DENND1B: variants seen among roughly 807,000 people sequenced by gnomAD.
DENND1B encodes DENN domain containing 1B.
A neutral mutation model predicts 90.1 loss-of-function variants in DENND1B; 59 were observed. The observed-to-expected ratio is 0.65, with a 90% CI of 0.53 to 0.81. The LOEUF (loss-of-function observed/expected upper bound fraction) is 0.81, where lower values mean the gene tolerates loss of function less well. Ranked by LOEUF, DENND1B falls within the 40% of genes least tolerant of loss-of-function variation. DENND1B has a pLI of 0.00. For synonymous variants in DENND1B, 337 were observed against 324.6 expected, an observed-to-expected ratio of 1.04 and a Z score of -0.41; for missense variants, 862 against 912.6, an observed-to-expected ratio of 0.94 and a Z score of 0.71.
chr1:197,654,349 G>T (rs1402346887), intron 6 of DENND1B, among the ~76,000 whole-genome samples: 1 of 151,984 alleles, frequency 6.6e-6, no homozygotes, highest in Admixed American at 6.6e-5. Context: ...GGTGGCTCCC[G>T]CCTGTAATCC....
At chr1:197,764,486 T>C (rs982554322) in intron 2 of DENND1B, among the ~76,000 whole-genome samples, 1 of 152,174 alleles carries the variant, frequency 6.6e-6, no homozygotes, top group Non-Finnish European at 1.5e-5. Flanking sequence ...AACAAGTCTT[T>C]ATGAAATTCA....
rs1233046144 is a variant in DENND1B, at chr1:197,611,949, T to TA, written c.800dup (p.His268ThrfsTer22). The TA allele has an allele frequency of 6.2e-7, 1 of 1,604,122 alleles. No homozygotes were observed. ...TACTCACCTCTATGAGGCTGGAGTGTATTCCAATCAGGTATGGCATTGGGG... is the reference window on the plus strand; with the variant it reads ...TACTCACCTCTATGAGGCTGGAGTGTAATTCCAATCAGGTATGGCATTGGGG... On this transcript the variant is annotated frameshift_variant, in exon 12 of 23. Transcript: ENST00000620048. LOFTEE classifies it high-confidence loss of function.
chr1:197,525,245 T>C (rs1669060918), intron 20 of DENND1B, among the ~76,000 whole-genome samples: 1 of 152,144 alleles, frequency 6.6e-6, no homozygotes, highest in African/African-American at 2.4e-5. Flanking sequence ...AATACATTGT[T>C]TCATTATTTT....
intron 5 of DENND1B, among the ~76,000 whole-genome samples, chr1:197,665,885 A>G (rs541250921): frequency 6.6e-6 from 1 of 152,276 alleles, no homozygotes; most frequent in Non-Finnish European, 1.5e-5. Flanking sequence ...AATAGGAGAA[A>G]CATCAATTAA....
At chr1:197,564,254 C>A (rs1672421164) in intron 15 of DENND1B, among the ~76,000 whole-genome samples, 1 of 151,594 alleles carries the variant, frequency 6.6e-6, no homozygotes, top group South Asian at 2.1e-4. Flanking sequence ...ACAAAGAAAT[C>A]TCTCATGAAG....
At chr1:197,647,691 G>A (rs775369915) in intron 7 of DENND1B, among the ~76,000 whole-genome samples, 2 of 152,176 alleles carry the variant, frequency 1.3e-5, no homozygotes, top group Non-Finnish European at 2.9e-5. Context: ...GCTCACGCCT[G>A]TAATCCCAGC....
At chr1:197,696,274 ACT>A in intron 3 of DENND1B, among the ~76,000 whole-genome samples, 1 of 151,528 alleles carries the variant, frequency 6.6e-6, no homozygotes, top group Non-Finnish European at 1.5e-5. Flanking sequence ...TTACAGTTAT[ACT>A]TTAAACTGTT....
chr1:197,656,988 T>C lies in DENND1B; in HGVS notation c.366+1312A>G, dbSNP rs74559913. Among the ~76,000 whole-genome samples the C allele has an allele frequency of 2.1e-3, 318 of 152,200 alleles. 1 individual carries two copies. The highest frequency in any genetic ancestry group is 3.8e-3 in the Non-Finnish European group (260 of 68,010). ...AGAAGAAAACATATGAAGAAAGCTT[T>C]GAAAGACTGGATTTGGAAAAGATTT... On this transcript the variant is annotated intron_variant, in intron 6 of 22. Transcript: ENST00000620048.
intron 10 of DENND1B, among the ~76,000 whole-genome samples, chr1:197,632,536 G>A (rs1485584377): frequency 6.6e-6 from 1 of 152,050 alleles, no homozygotes; most frequent in Non-Finnish European, 1.5e-5. Flanking sequence ...TTGACTCACT[G>A]ACACTGTTAT....
At chr1:197,540,902 A>C in intron 19 of DENND1B, 57 bp downstream of exon 19, 1 of 1,490,836 alleles carries the variant, frequency 6.7e-7, no homozygotes, top group Non-Finnish European at 9.3e-7. Flanking sequence ...TTGGAAGTAT[A>C]AACTTCAAAC....
intron 2 of DENND1B, among the ~76,000 whole-genome samples, chr1:197,747,793 C>G (rs1165978109): frequency 6.6e-6 from 1 of 152,248 alleles, no homozygotes; most frequent in African/African-American, 2.4e-5. Flanking sequence ...ACGTATCCAA[C>G]TGCATTTGCA....
At chr1:197,750,897 G>A (rs1225145105) in intron 2 of DENND1B, among the ~76,000 whole-genome samples, 1 of 152,100 alleles carries the variant, frequency 6.6e-6, no homozygotes, top group Non-Finnish European at 1.5e-5. Context: ...AGACATAATA[G>A]TTGTAAATGT....
At position 197,535,230 on chromosome 1, in the gene DENND1B, C is replaced by A. The variant is rs1282338376; in HGVS notation, c.1515+4734G>T. On this transcript the variant is annotated intron_variant, in intron 20 of 22. Coordinates refer to ENST00000620048, the MANE Select transcript of DENND1B (RefSeq NM_001195215.2). ...CTTATCAAACCCCAGATTTGTGGTA[C>A]AAATTTCCAGCCTCCAGGCATTTAA... 2.7e-4 allele frequency among the ~76,000 whole-genome samples: 41 copies of A among 152,150 alleles called. 1 individual carries two copies.
intron 5 of DENND1B, among the ~76,000 whole-genome samples, chr1:197,668,794 T>C (rs1322824387): frequency 1.3e-5 from 2 of 152,052 alleles, no homozygotes; most frequent in Non-Finnish European, 2.9e-5. Flanking sequence ...CTGAAATTAC[T>C]GACTGAAGAA....
intron 2 of DENND1B, chr1:197,735,887 T>C: frequency 1.3e-6 from 2 of 1,538,114 alleles, no homozygotes; most frequent in Non-Finnish European, 1.8e-6. Flanking sequence ...CTATTACAGG[T>C]GCCTCTCCTG....
chr1:197,545,751 T>A lies in DENND1B; in HGVS notation c.1350+171A>T, dbSNP rs1218367505. 55 of 554,150 alleles carry A rather than the reference T, an allele frequency of 9.9e-5. No individual in the cohort carries two copies. The East Asian group carries it at 1.7e-3, about 18-fold the overall frequency. The allele number at this position is 554,150 out of a possible 1,614,324, so 34.3% of individuals were successfully genotyped here. A position where few individuals can be genotyped will look rare whatever the true frequency, so the allele number is the denominator to read the frequency against. ...TATATAAAAGAAACTACCCTCTGCA[T>A]GCAATGTTATAATTTTAACAATTGA... On this transcript the variant is annotated intron_variant, in intron 18 of 22. Coordinates refer to ENST00000620048, the MANE Select transcript of DENND1B (RefSeq NM_001195215.2).
At chr1:197,721,913 G>A (rs1254850840) in intron 2 of DENND1B, among the ~76,000 whole-genome samples, 1 of 152,060 alleles carries the variant, frequency 6.6e-6, no homozygotes, top group Admixed American at 6.6e-5. Context: ...ATGATTTAAG[G>A]AACAATTATG....
chr1:197,750,000 C>A (rs1653255990), intron 2 of DENND1B, among the ~76,000 whole-genome samples: 1 of 152,074 alleles, frequency 6.6e-6, no homozygotes, highest in Non-Finnish European at 1.5e-5. Flanking sequence ...GTCCACACCA[C>A]CACACCCAGC....
In DENND1B at chr1:197,514,059, T is replaced by C. The variant is rs1668228562; in HGVS notation, c.1516-1106A>G. On this transcript the variant is annotated intron_variant, in intron 20 of 22. Transcript: ENST00000620048. ...TAAGATTCATTAATGACTTCAGGTA[T>C]GATTCGTCAAGCGATCCATTATACA... Among the ~76,000 whole-genome samples, 4 of 151,738 alleles carry C rather than the reference T, an allele frequency of 2.6e-5. No homozygotes were observed. The South Asian group carries it at 8.3e-4, about 31-fold the overall frequency.
Sources: gnomAD v4.1 joint callset for allele counts (sites outside exome capture counted in the v4.1 genomes callset) on GRCh38, gnomAD v4.1.1 for gene constraint, MANE v1.5 for transcripts, NCBI Gene and HGNC (gene_info 2026-07-23, HGNC 2026-07-21) for gene names.